Variants in ANK3 observed in about 807,000 individuals in gnomAD.
The protein encoded by ANK3 is ankyrin-3.
A neutral mutation model predicts 370.9 loss-of-function variants in ANK3; 57 were observed. That is an observed-to-expected ratio of 0.15 (90% CI 0.12 to 0.19). The LOEUF (loss-of-function observed/expected upper bound fraction) is 0.19, where lower values mean the gene tolerates loss of function less well. Among genes scored for constraint, ANK3 ranks in the 10% least tolerant of loss-of-function variants. The probability of loss-of-function intolerance (pLI) is 1.00; values close to 1 mark genes in which losing one functional copy is unlikely to be tolerated. For synonymous variants in ANK3, 1,929 were observed against 1,946.3 expected (o/e 0.99, Z 0.23); for missense variants, 4,439 against 5,302.1 (o/e 0.84, Z 5.06).
intron 7 of ANK3, among the ~76,000 whole-genome samples, chr10:60,242,490 G>A (rs1592320229): frequency 6.6e-6 from 1 of 152,260 alleles, no homozygotes; most frequent in East Asian, 1.9e-4. Context: ...TTGGGTAGGG[G>A]GAGAAATTCT....
intron 2 of ANK3, among the ~76,000 whole-genome samples, chr10:60,533,135 C>T (rs975500977): frequency 6.6e-6 from 1 of 152,162 alleles, no homozygotes; most frequent in Non-Finnish European, 1.5e-5. Flanking sequence ...GCCCCAGACC[C>T]TTGCTGCTCA....
At chr10:60,217,666 A>T (rs115616478) in intron 8 of ANK3, among the ~76,000 whole-genome samples, 3,273 of 152,300 alleles carry the variant, frequency 0.021, 97 homozygotes, top group African/African-American at 0.071. Flanking sequence ...GGAGTGTTTT[A>T]CTTCCAATCA....
chr10:60,269,147 T>C (rs2097923125), intron 5 of ANK3, among the ~76,000 whole-genome samples: 1 of 152,208 alleles, frequency 6.6e-6, no homozygotes, highest in African/African-American at 2.4e-5. Flanking sequence ...TACTCAAATA[T>C]TGATCCTTTA....
At chr10:60,140,318 A>G in intron 23 of ANK3, 1 of 1,610,564 alleles carries the variant, frequency 6.2e-7, no homozygotes, top group South Asian at 1.1e-5. Context: ...TCAAACAAAA[A>G]CAGCACACAC....
intron 4 of ANK3, among the ~76,000 whole-genome samples, chr10:60,277,536 CT>C (rs1223143483): frequency 6.6e-6 from 1 of 152,160 alleles, no homozygotes; most frequent in Non-Finnish European, 1.5e-5. Flanking sequence ...AAAAGACCAT[CT>C]TTTGGAAGAA....
At chr10:60,390,034 T>C (rs1344185682), upstream of ANK3, among the ~76,000 whole-genome samples, 3 of 71,498 alleles carry the variant, frequency 4.2e-5, no homozygotes, top group Admixed American at 4.3e-4. Context: ...ACATCACCAC[T>C]AGATCTACAC....
intron 2 of ANK3, among the ~76,000 whole-genome samples, chr10:60,501,052 T>C (rs1005786762): frequency 5.9e-5 from 9 of 152,014 alleles, no homozygotes; most frequent in African/African-American, 1.9e-4. Context: ...CATTAAAAGG[T>C]AGGAAAAAAA....
intron 23 of ANK3, among the ~76,000 whole-genome samples, chr10:60,163,574 T>C (rs932467792): frequency 1.3e-5 from 2 of 152,108 alleles, no homozygotes; most frequent in Non-Finnish European, 1.5e-5. Flanking sequence ...TTTCTCATAG[T>C]GTACAAAAGA....
intron 7 of ANK3, among the ~76,000 whole-genome samples, chr10:60,240,157 TATATACACATATATATAC>T (rs1247695336): frequency 0.014 from 1,970 of 136,632 alleles, 54 homozygotes; most frequent in African/African-American, 0.047. Flanking sequence ...TATATATACA[TATATACACATATATATAC>T]ATATATACAC....
rs5785427 is a variant in ANK3 at position 60,042,819 on chromosome 10, T to TC, written c.13066-61dup. 1 allele frequency: 1,608,648 copies of TC among 1,610,042 alleles called. 803,640 individuals carry two copies. Among genetic ancestry groups the TC allele is most frequent in the East Asian group, 1 (44,762 of 44,762 alleles). ...TGAAACAGTGTTAGTTATAAAGCAGTCCATTCTGATCCTTGGAGGCTGGAT... is the reference window on the plus strand; with the variant it reads ...TGAAACAGTGTTAGTTATAAAGCAGTCCCATTCTGATCCTTGGAGGCTGGAT... On this transcript the variant is annotated intron_variant, in intron 42 of 43. Coordinates refer to ENST00000280772, the MANE Select transcript of ANK3 (RefSeq NM_020987.5).
intron 15 of ANK3, 53 bp downstream of exon 15, chr10:60,196,473 TG>T: frequency 8.3e-7 from 1 of 1,198,462 alleles, no homozygotes; most frequent in Non-Finnish European, 1.2e-6. Context: ...TTAGCAAGGG[TG>T]TATTTTGTTA....
At chr10:60,690,117 C>G (rs1175829718) in intron 1 of ANK3, among the ~76,000 whole-genome samples, 1 of 152,136 alleles carries the variant, frequency 6.6e-6, no homozygotes, top group African/African-American at 2.4e-5. Context: ...GAGGATCGTT[C>G]CAAGATGGCC....
rs150510536 is a variant in ANK3 at position 60,452,193 on chromosome 10, G to T, written c.96+162993C>A. Among the ~76,000 whole-genome samples the T allele has an allele frequency of 2.5e-3, 381 of 152,352 alleles. 1 individual carries two copies. Among genetic ancestry groups the T allele is most frequent in the African/African-American group, 8.4e-3 (350 of 41,588 alleles). ...GCAAACCAGCAGAGTGGACTGATCA[G>T]CTCTGGAATTCTTTTTGCCATTCTT... On this transcript the variant is annotated intron_variant, in intron 2 of 43. Coordinates refer to the ANK3 transcript ENST00000373827.
chr10:60,357,635 G>A (rs2057969363), intron 1 of ANK3, among the ~76,000 whole-genome samples: 1 of 152,176 alleles, frequency 6.6e-6, no homozygotes, highest in Non-Finnish European at 1.5e-5. Context: ...AATCTTGAAT[G>A]GACCCTCAAC....
intron 8 of ANK3, among the ~76,000 whole-genome samples, chr10:60,222,764 T>A (rs2097082491): frequency 9.8e-6 from 1 of 101,534 alleles, no homozygotes. Flanking sequence ...CTGATAAGAG[T>A]CCCTCCGTTG....
At chr10:60,423,463 G>A (rs986451284) in intron 2 of ANK3, among the ~76,000 whole-genome samples, 12 of 151,172 alleles carry the variant, frequency 7.9e-5, no homozygotes, top group Non-Finnish European at 1.3e-4. Context: ...TTATTACCAG[G>A]ACTTTTTAAT....
At chr10:60,214,793 G>T (rs1451260482) in intron 8 of ANK3, among the ~76,000 whole-genome samples, 2 of 152,096 alleles carry the variant, frequency 1.3e-5, no homozygotes, top group African/African-American at 4.8e-5. Context: ...TCATGTCTTT[G>T]CTATTGTAAA....
Position 60,264,020 on chromosome 10 carries a change from C to T in ANK3, c.514G>A (p.Asp172Asn). ...GCCACTGCCAATGGTGTGAAGCCAT[C>T]CTGCAAATAAATGGATGGGTCAAGA... is the stretch of plus-strand genomic sequence containing the variant. The part of the protein sequence containing the change: ...NGASQSLATE[D>N]GFTPLAVALQ... Residue 172 changes from aspartate (D) to asparagine (N), a missense_variant and splice_region_variant, in exon 6 of 44, where the codon GAT becomes AAT. Coordinates refer to ENST00000280772, the MANE Select transcript of ANK3 (RefSeq NM_020987.5). The T allele has an allele frequency of 1.2e-6, 2 of 1,613,330 alleles. No homozygotes were observed. The highest frequency in any genetic ancestry group is 1.7e-6 in the Non-Finnish European group (2 of 1,179,452).
intron 23 of ANK3, 59 bp from the exon 24 acceptor site, chr10:60,139,146 G>A (rs1378903281): frequency 1.9e-6 from 3 of 1,581,466 alleles, no homozygotes; most frequent in Admixed American, 1.8e-5. Flanking sequence ...TGTCAGCTGT[G>A]GAGAAAATCA....
Sources: allele counts gnomAD v4.1 joint callset (sites outside exome capture counted in the v4.1 genomes callset), GRCh38; gene constraint gnomAD v4.1.1; transcripts MANE v1.5; gene names NCBI Gene and HGNC (gene_info 2026-07-23, HGNC 2026-07-21).